HK1: variants seen among roughly 807,000 people sequenced by gnomAD.
HK1 encodes the protein hexokinase 1.
HK1 carries 28 observed loss-of-function variants against 91.6 expected under a neutral mutation model. The ratio of observed to expected loss-of-function variants is 0.31; its 90% CI spans 0.23 to 0.42. HK1 has a LOEUF of 0.42. HK1 is among the 10% of genes least tolerant of loss of function. The pLI is 1.00. For synonymous variants in HK1, 430 were observed against 468.1 expected, an observed-to-expected ratio of 0.92 and a Z score of 1.05; for missense variants, 770 against 1,219.8, an observed-to-expected ratio of 0.63 and a Z score of 5.49.
intron 3 of HK1, among the ~76,000 whole-genome samples, chr10:69,362,706 CT>C (rs1849495872): frequency 1.3e-5 from 2 of 152,190 alleles, no homozygotes; most frequent in Non-Finnish European, 2.9e-5. Context: ...CTGAGGCAGC[CT>C]TCCCTTCACC....
chr10:69,368,433 C>G (rs1447900715), intron 4 of HK1, 103 bp from the exon 5 acceptor site: 1 of 983,200 alleles, frequency 1.0e-6, no homozygotes, highest in African/African-American at 1.6e-5. Context: ...CCACTTGGCC[C>G]CTATGGGCTT....
chr10:69,288,749 G>A, exon 3 of HK1: 1 of 1,613,880 alleles, frequency 6.2e-7, no homozygotes, highest in Non-Finnish European at 8.5e-7. Context: ...CCACAATGGG[G>A]CAGATCTGCC....
intron 2 of HK1, among the ~76,000 whole-genome samples, chr10:69,351,069 G>A (rs929845220): frequency 1.3e-5 from 2 of 151,474 alleles, no homozygotes; most frequent in African/African-American, 4.9e-5. Context: ...CAGCTACTTG[G>A]GAGGCTGAGG....
chr10:69,360,194 C>A, intron 3 of HK1, 149 bp downstream of exon 3: 1 of 776,120 alleles, frequency 1.3e-6, no homozygotes, highest in Non-Finnish European at 2.2e-6. Flanking sequence ...AAAAGGACTC[C>A]TGGGCAGAGG....
In HK1 at chr10:69,380,485, C is replaced by T. The variant is rs550632237; in HGVS notation, c.1265+390C>T. On this transcript the variant is annotated intron_variant, in intron 9 of 17. Transcript: ENST00000359426. The surrounding 1 kb of genome is among the most constrained non-coding windows in gnomAD (Gnocchi z 4.0). ...TCGAGATGGAGATTTCTGTAGCTGT[C>T]GGCTCCTCTGGGTGGAATGTGTCTG... 3.4e-4 allele frequency among the ~76,000 whole-genome samples: 52 copies of T among 152,276 alleles called. No individual in the cohort carries two copies. Among genetic ancestry groups the T allele is most frequent in the African/African-American group, 1.1e-3 (47 of 41,548 alleles).
At chr10:69,357,433 G>C (rs759595014) in intron 2 of HK1, among the ~76,000 whole-genome samples, 5 of 152,138 alleles carry the variant, frequency 3.3e-5, no homozygotes, top group Non-Finnish European at 7.4e-5. Flanking sequence ...AGTCATACAA[G>C]GTCATATACC....
Position 69,319,027 on chromosome 10 carries a change from GCC to G in HK1, c.63+18_63+19del. ...GTCAAAAAGGTGAGCCCCCGCCCGC[GCC>G]GCCGCTGGTCCTGGCCGCAGCCTTG... On this transcript the variant is annotated intron_variant, in intron 1 of 17. Transcript: ENST00000359426. 6.3e-7 allele frequency: 1 copy of G among 1,590,022 alleles called. No homozygotes were observed. The highest frequency in any genetic ancestry group is 8.6e-7 in the Non-Finnish European group (1 of 1,169,240).
chr10:69,305,656 A>T (rs1424297371), intron 5 of HK1, among the ~76,000 whole-genome samples: 1 of 151,884 alleles, frequency 6.6e-6, no homozygotes, highest in Non-Finnish European at 1.5e-5. Context: ...GGAGTTCGAG[A>T]CCAGCCTGGA....
chr10:69,343,771 AC>A, intron 1 of HK1, 55 bp from the exon 2 acceptor site: 1 of 1,441,680 alleles, frequency 6.9e-7, no homozygotes, highest in Admixed American at 1.7e-5. Context: ...TGGGTGCCTC[AC>A]CTTGCCCTGT....
chr10:69,287,520 T>C (rs1845085344), intron 2 of HK1, among the ~76,000 whole-genome samples: 1 of 152,224 alleles, frequency 6.6e-6, no homozygotes, highest in African/African-American at 2.4e-5. Context: ...AGATTATATA[T>C]CTTTATAAGT....
chr10:69,318,017 GC>G, upstream of HK1: 2 of 983,808 alleles, frequency 2.0e-6, no homozygotes, highest in Non-Finnish European at 2.4e-6. Flanking sequence ...GGGCCTGGAT[GC>G]CCAAGAGCAA....
At chr10:69,338,549 C>T (rs1410375955) in intron 1 of HK1, 13 of 1,289,706 alleles carry the variant, frequency 1.0e-5, no homozygotes, top group Middle Eastern at 2.1e-4. Flanking sequence ...TGGTGCTGTG[C>T]GGTGTCCTCC....
chr10:69,361,316 A>G (rs563233518), intron 3 of HK1, among the ~76,000 whole-genome samples: 1 of 152,346 alleles, frequency 6.6e-6, no homozygotes, highest in Admixed American at 6.5e-5. Context: ...GGGGCTGCAG[A>G]GACTGGCCCA....
In HK1 at chr10:69,338,594, C is replaced by T. The variant is rs558999804; in HGVS notation, c.64-5233C>T. ...AAATGGAGTGTGGGGAGGGATTCTT[C>T]GGGCACTGATGTTTGGCTGGAGCAG... On this transcript the variant is annotated intron_variant, in intron 1 of 17. Coordinates refer to ENST00000359426, the MANE Select transcript of HK1 (RefSeq NM_000188.3). The T allele has an allele frequency of 3.3e-4, 428 of 1,289,354 alleles. No homozygotes were observed. In the African/African-American group the frequency reaches 5.1e-3, roughly 15 times the overall value. The allele number at this position is 1,289,354 out of a possible 1,614,324, so 79.9% of individuals were successfully genotyped here.
At chr10:69,288,817 T>C in intron 3 of HK1, 1 of 1,537,204 alleles carries the variant, frequency 6.5e-7, no homozygotes, top group Non-Finnish European at 9.0e-7. Flanking sequence ...GAGACGTTTT[T>C]GTTCCATCGC....
chr10:69,394,911 A>G (rs751247175), intron 15 of HK1, 39 bp from the exon 16 acceptor site: 4 of 1,611,464 alleles, frequency 2.5e-6, no homozygotes, highest in Non-Finnish European at 3.4e-6. Context: ...TCTCCTGGCC[A>G]CTTCCCATAG....
At chr10:69,335,343 T>C (rs547273584) in intron 1 of HK1, among the ~76,000 whole-genome samples, 2 of 152,302 alleles carry the variant, frequency 1.3e-5, no homozygotes, top group Admixed American at 1.3e-4. Flanking sequence ...GGACAGCTTG[T>C]TGTGGCTCTG....
upstream of HK1, chr10:69,315,876 A>T: frequency 7.0e-7 from 1 of 1,436,918 alleles, no homozygotes; most frequent in Non-Finnish European, 9.8e-7. Context: ...CTCTACCACA[A>T]CCTGACACTG....
chr10:69,349,440 A>G (rs1441603082), intron 2 of HK1, among the ~76,000 whole-genome samples: 1 of 152,166 alleles, frequency 6.6e-6, no homozygotes, highest in African/African-American at 2.4e-5. Flanking sequence ...CTGGCTTTGG[A>G]AGAATTCCTT....
Sources: gnomAD v4.1 joint callset for allele counts (sites outside exome capture counted in the v4.1 genomes callset) on GRCh38, gnomAD v4.1.1 for gene constraint, Gnocchi (gnomAD v3.1) non-coding constraint, MANE v1.5 for transcripts, NCBI Gene and HGNC (gene_info 2026-07-23, HGNC 2026-07-21) for gene names.